The following SGPP2 variants were observed in gnomAD, a reference collection of about 807,000 sequenced individuals.
SGPP2 encodes sphingosine-1-phosphate phosphatase 2.
In SGPP2, 30 loss-of-function variants were observed where a neutral mutation model predicts 33.9. The ratio of observed to expected loss-of-function variants is 0.89; its 90% CI spans 0.66 to 1.20. The LOEUF is 1.20. SGPP2 is among the 50% of genes most tolerant of loss of function. SGPP2 has a pLI of 0.00. For synonymous variants in SGPP2, 233 were observed against 225.0 expected, an observed-to-expected ratio of 1.04 and a Z score of -0.32; for missense variants, 458 against 532.1, an observed-to-expected ratio of 0.86 and a Z score of 1.37.
At chr2:222,451,839 A>G (rs1484867577) in intron 1 of SGPP2, among the ~76,000 whole-genome samples, 1 of 152,210 alleles carries the variant, frequency 6.6e-6, no homozygotes, top group Non-Finnish European at 1.5e-5. Context: ...TTTAATGCTG[A>G]TGGGTGGAGT....
chr2:222,505,189 C>T (rs1407468016), intron 2 of SGPP2, among the ~76,000 whole-genome samples: 2 of 152,176 alleles, frequency 1.3e-5, no homozygotes, highest in African/African-American at 2.4e-5. Context: ...TTCTCTCAGT[C>T]ATTCATTTAG....
chr2:222,467,521 G>A (rs142645157), intron 1 of SGPP2, among the ~76,000 whole-genome samples: 3 of 152,238 alleles, frequency 2.0e-5, no homozygotes, highest in East Asian at 1.9e-4. Flanking sequence ...TCCGGGTAGG[G>A]AGCATAGGTA....
At chr2:222,547,806 C>T (rs1443650485) in intron 4 of SGPP2, among the ~76,000 whole-genome samples, 1 of 152,108 alleles carries the variant, frequency 6.6e-6, no homozygotes, top group East Asian at 1.9e-4. Flanking sequence ...TAAATAAACA[C>T]TGAAATAATT....
At chr2:222,488,983 G>A (rs1278395048) in intron 2 of SGPP2, among the ~76,000 whole-genome samples, 2 of 152,140 alleles carry the variant, frequency 1.3e-5, no homozygotes, top group Admixed American at 1.3e-4. Flanking sequence ...ACATTCTGAA[G>A]GTTTTCCAAA....
At chr2:222,458,790 C>T (rs1697611623) in intron 1 of SGPP2, among the ~76,000 whole-genome samples, 1 of 152,180 alleles carries the variant, frequency 6.6e-6, no homozygotes. Flanking sequence ...TTCCCGTTTT[C>T]CTCACCTCAC....
At chr2:222,521,572 TC>T (rs1419477074) in intron 2 of SGPP2, among the ~76,000 whole-genome samples, 194 bp from the exon 3 acceptor site, 2 of 152,212 alleles carry the variant, frequency 1.3e-5, no homozygotes, top group Non-Finnish European at 2.9e-5. Context: ...TGCTCAGTGG[TC>T]CTATGGAATC....
chr2:222,459,857 A>C (rs1323587331), intron 1 of SGPP2, among the ~76,000 whole-genome samples: 1 of 152,164 alleles, frequency 6.6e-6, no homozygotes, highest in Non-Finnish European at 1.5e-5. Context: ...CTTCTTTATC[A>C]AGACTGCAAA....
At chr2:222,537,233 A>T (rs182496134) in intron 4 of SGPP2, among the ~76,000 whole-genome samples, 183 of 152,366 alleles carry the variant, frequency 1.2e-3, no homozygotes, top group African/African-American at 4.2e-3. Context: ...TAGGCATGAT[A>T]TCAAATGAAT....
intron 1 of SGPP2, among the ~76,000 whole-genome samples, chr2:222,426,079 C>T (rs1472765054): frequency 2.0e-5 from 3 of 151,386 alleles, no homozygotes; most frequent in Non-Finnish European, 4.4e-5. Context: ...ATCAGCTGGG[C>T]GTGGTGGTGC....
intron 4 of SGPP2, among the ~76,000 whole-genome samples, chr2:222,538,867 G>A (rs1055490121): frequency 3.3e-5 from 5 of 152,058 alleles, no homozygotes; most frequent in East Asian, 3.8e-4. Flanking sequence ...TGAAGGATCC[G>A]CCCCCATGAT....
At chr2:222,554,931 A>G (rs1248357141) in intron 4 of SGPP2, among the ~76,000 whole-genome samples, 1 of 152,150 alleles carries the variant, frequency 6.6e-6, no homozygotes, top group Admixed American at 6.6e-5. Context: ...ACATGTATTG[A>G]TCTGAGTGAC....
chr2:222,527,973 C>T (rs147090663), intron 4 of SGPP2, among the ~76,000 whole-genome samples: 26 of 152,238 alleles, frequency 1.7e-4, no homozygotes, highest in Middle Eastern at 3.4e-3. Flanking sequence ...TCCAAGTCTA[C>T]TGAAGGAGAC....
rs373342153 is a variant in SGPP2 at position 222,550,021 on chromosome 2, C to T, written c.649-8326C>T. On this transcript the variant is annotated intron_variant, in intron 4 of 4. Transcript: ENST00000321276. The surrounding 1 kb of genome is among the most constrained non-coding windows in gnomAD (Gnocchi z 4.5). ...CCTCCTGAGTAGCTGGAACTACAGG[C>T]ACGCGCCACCACGTCTGGTTAATTT... Among the ~76,000 whole-genome samples the T allele has an allele frequency of 3.3e-5, 5 of 152,080 alleles. No homozygotes were observed. Among genetic ancestry groups the T allele is most frequent in the African/African-American group, 9.6e-5 (4 of 41,494 alleles).
At chr2:222,524,525 T>A (rs918348086) in intron 3 of SGPP2, among the ~76,000 whole-genome samples, 2 of 152,208 alleles carry the variant, frequency 1.3e-5, no homozygotes, top group Non-Finnish European at 2.9e-5. Context: ...AGAAGTTGCT[T>A]GTTGGGATTT....
Position 222,559,187 on chromosome 2 carries a change from G to A in SGPP2, c.*289G>A, listed in dbSNP as rs1265488152. ...CCCCCCCCCCCCCCGCCCGGCCCCT[G>A]CTCCTCTCGCTGTTGCACGGGCTTT... On this transcript the variant is annotated 3_prime_UTR_variant, in exon 5 of 5. Coordinates refer to ENST00000321276, the MANE Select transcript of SGPP2 (RefSeq NM_152386.4). 1.6e-5 allele frequency: 2 copies of A among 126,662 alleles called. No individual in the cohort carries two copies. Among genetic ancestry groups the A allele is most frequent in the Admixed American group, 1.1e-4 (1 of 8,882 alleles). The allele number at this position is 126,662 out of a possible 1,614,324, so 7.8% of individuals were successfully genotyped here. A position where few individuals can be genotyped will look rare whatever the true frequency, so the allele number is the denominator to read the frequency against.
chr2:222,495,140 A>G (rs1698256902), intron 2 of SGPP2, among the ~76,000 whole-genome samples: 1 of 152,190 alleles, frequency 6.6e-6, no homozygotes, highest in South Asian at 2.1e-4. Context: ...CTAGCCAGGC[A>G]TGGTGGCTCA....
At chr2:222,462,857 C>T (rs1466213559) in intron 1 of SGPP2, among the ~76,000 whole-genome samples, 1 of 151,920 alleles carries the variant, frequency 6.6e-6, no homozygotes, top group African/African-American at 2.4e-5. Context: ...AACAAAAATT[C>T]TCAGAGCACA....
chr2:222,493,944 G>T (rs1335105639), intron 2 of SGPP2, among the ~76,000 whole-genome samples: 1 of 152,098 alleles, frequency 6.6e-6, no homozygotes, highest in Admixed American at 6.5e-5. Flanking sequence ...TAGCCATAAA[G>T]GCCAATTTCA....
intron 2 of SGPP2, among the ~76,000 whole-genome samples, chr2:222,485,520 T>G (rs1167020856): frequency 1.3e-5 from 2 of 152,228 alleles, no homozygotes; most frequent in Non-Finnish European, 2.9e-5. Context: ...CCTGTGGGCT[T>G]GTCATTCCTG....
Sources: allele counts gnomAD v4.1 joint callset (sites outside exome capture counted in the v4.1 genomes callset), GRCh38; gene constraint gnomAD v4.1.1; non-coding constraint Gnocchi (gnomAD v3.1); transcripts MANE v1.5; gene names NCBI Gene and HGNC (gene_info 2026-07-23, HGNC 2026-07-21).